Variants in HIVEP3 observed in about 807,000 individuals in gnomAD.
The protein encoded by HIVEP3 is HIVEP zinc finger 3.
HIVEP3 carries 49 observed loss-of-function variants against 152.8 expected under a neutral mutation model. That is an observed-to-expected ratio of 0.32 (90% confidence interval 0.26 to 0.41). The LOEUF is 0.41. Among genes scored for constraint, HIVEP3 ranks in the 10% least tolerant of loss-of-function variants. The pLI is 1.00. For synonymous variants in HIVEP3, 1,269 were observed against 1,289.0 expected (o/e 0.98, Z 0.33); for missense variants, 2,790 against 3,103.3 (o/e 0.90, Z 2.40).
intron 5 of HIVEP3, among the ~76,000 whole-genome samples, chr1:41,567,675 G>T (rs1644187392): frequency 6.6e-6 from 1 of 152,228 alleles, no homozygotes; most frequent in Non-Finnish European, 1.5e-5. Context: ...AGAACACAAA[G>T]GGCTCTGCTC....
intron 1 of HIVEP3, among the ~76,000 whole-genome samples, chr1:41,720,603 T>A (rs1646660675): frequency 6.6e-6 from 1 of 152,202 alleles, no homozygotes; most frequent in South Asian, 2.1e-4. Context: ...CTGGTAGGAA[T>A]GTAAAATGGT....
intron 4 of HIVEP3, among the ~76,000 whole-genome samples, chr1:41,577,089 G>A (rs892364741): frequency 2.6e-5 from 4 of 152,280 alleles, no homozygotes; most frequent in South Asian, 2.1e-4. Context: ...ACAGCCTGCC[G>A]TGATATCTGG....
intron 2 of HIVEP3, among the ~76,000 whole-genome samples, chr1:41,631,859 T>C (rs944665627): frequency 6.6e-6 from 1 of 152,116 alleles, no homozygotes; most frequent in Non-Finnish European, 1.5e-5. Context: ...GTAGAAACAC[T>C]CACTTCTCAG....
chr1:41,757,260 C>T (rs904238588), intron 1 of HIVEP3, among the ~76,000 whole-genome samples: 1 of 151,756 alleles, frequency 6.6e-6, no homozygotes, highest in African/African-American at 2.4e-5. Context: ...GGACTACAGG[C>T]GCCTGCCACC....
chr1:41,744,940 G>A (rs530685396), intron 1 of HIVEP3, among the ~76,000 whole-genome samples: 136 of 152,332 alleles, frequency 8.9e-4, no homozygotes, highest in Non-Finnish European at 1.4e-3. Context: ...TAGGTGCCAT[G>A]TGAACAGAGG....
chr1:41,882,339 T>G (rs1163221180), intron 1 of HIVEP3, among the ~76,000 whole-genome samples: 1 of 152,202 alleles, frequency 6.6e-6, no homozygotes, highest in Non-Finnish European at 1.5e-5. Context: ...GTTTTCTGTT[T>G]CAATTGAAAA....
intron 3 of HIVEP3, among the ~76,000 whole-genome samples, chr1:41,607,298 T>C (rs377490403): frequency 6.6e-6 from 1 of 152,262 alleles, no homozygotes; most frequent in African/African-American, 2.4e-5. Flanking sequence ...CTCTGCTTTC[T>C]GGGAGGTTTT....
chr1:41,943,198 G>A (rs537784823), intron 1 of HIVEP3, among the ~76,000 whole-genome samples: 10 of 152,130 alleles, frequency 6.6e-5, no homozygotes, highest in Non-Finnish European at 1.0e-4. Context: ...GAGCCACCAC[G>A]CCCAGCCACA....
chr1:42,006,722 C>T (rs1435573628), intron 1 of HIVEP3, among the ~76,000 whole-genome samples: 2 of 152,158 alleles, frequency 1.3e-5, no homozygotes, highest in Non-Finnish European at 2.9e-5. Flanking sequence ...CTCTGTAAAG[C>T]TTCACTGTAC....
At chr1:41,846,863 C>T (rs1266038904) in intron 1 of HIVEP3, among the ~76,000 whole-genome samples, 1 of 152,228 alleles carries the variant, frequency 6.6e-6, no homozygotes, top group Non-Finnish European at 1.5e-5. Context: ...TGTTTCTCAG[C>T]ATCCAATGAG....
At chr1:41,538,660 T>C (rs987319031) in intron 5 of HIVEP3, among the ~76,000 whole-genome samples, 3 of 152,150 alleles carry the variant, frequency 2.0e-5, no homozygotes, top group Admixed American at 6.5e-5. Context: ...GAGTGACTTC[T>C]GGGTGACGAA....
intron 5 of HIVEP3, among the ~76,000 whole-genome samples, chr1:41,574,329 G>C (rs1644295421): frequency 6.6e-6 from 1 of 152,194 alleles, no homozygotes; most frequent in Admixed American, 6.5e-5. Context: ...CACGGAAAGA[G>C]GGTTGGCATT....
intron 2 of HIVEP3, among the ~76,000 whole-genome samples, chr1:41,635,791 C>T (rs1189317321): frequency 6.6e-6 from 1 of 151,902 alleles, no homozygotes; most frequent in Non-Finnish European, 1.5e-5. Flanking sequence ...TAAACATATA[C>T]GTGAACATTT....
rs989754242 is a variant in HIVEP3, at chr1:41,580,301, C to G, written c.4497G>C (p.Leu1499=). 2 of 1,613,994 alleles carry G rather than the reference C, an allele frequency of 1.2e-6. No homozygotes were observed. Among genetic ancestry groups the G allele is most frequent in the African/African-American group, 2.7e-5 (2 of 74,928 alleles). The part of the protein sequence containing the change: ...QGQGRRELEM[L]SSLSSDPSDT... ...CAGATGGATCTGAGGACAGGCTGGA[C>G]AGCATTTCTAGCTCCCTCCTGCCTT... Residue 1499 remains leucine, a synonymous_variant, in exon 4 of 9, where the codon CTG becomes CTC. Transcript: ENST00000372583.
At chr1:41,539,233 C>T (rs1321041814) in intron 5 of HIVEP3, among the ~76,000 whole-genome samples, 2 of 133,634 alleles carry the variant, frequency 1.5e-5, no homozygotes, top group African/African-American at 2.6e-5. Context: ...CTCACAGTTT[C>T]CCAGCAGCTC....
intron 1 of HIVEP3, among the ~76,000 whole-genome samples, chr1:41,903,173 C>G (rs185379351): frequency 5.9e-5 from 9 of 152,306 alleles, no homozygotes; most frequent in African/African-American, 1.9e-4. Context: ...AGAAATGAAG[C>G]AGCATCTCCC....
chr1:42,002,916 G>A (rs190707992), intron 1 of HIVEP3, among the ~76,000 whole-genome samples: 1 of 152,214 alleles, frequency 6.6e-6, no homozygotes, highest in African/African-American at 2.4e-5. Flanking sequence ...TGGACAGTAA[G>A]GACAAGAAAT....
At chr1:41,628,529 C>T (rs1313000757) in intron 3 of HIVEP3, among the ~76,000 whole-genome samples, 1 of 152,166 alleles carries the variant, frequency 6.6e-6, no homozygotes, top group African/African-American at 2.4e-5. Flanking sequence ...TGGGAGACAG[C>T]ATGGGAAGCA....
At chr1:41,657,625 C>T (rs1558154496) in intron 2 of HIVEP3, among the ~76,000 whole-genome samples, 1 of 152,202 alleles carries the variant, frequency 6.6e-6, no homozygotes, top group Non-Finnish European at 1.5e-5. Flanking sequence ...GTTTATGGTT[C>T]ACCTACTAAG....
Sources: gnomAD v4.1 joint callset for allele counts (sites outside exome capture counted in the v4.1 genomes callset) on GRCh38, gnomAD v4.1.1 for gene constraint, MANE v1.5 for transcripts, NCBI Gene and HGNC (gene_info 2026-07-23, HGNC 2026-07-21) for gene names.